TPTE: variants seen among roughly 807,000 people sequenced by gnomAD.
TPTE encodes the protein putative tyrosine-protein phosphatase TPTE.
TPTE carries 59 observed loss-of-function variants against 84.1 expected under a neutral mutation model. The ratio of observed to expected loss-of-function variants is 0.70; its 90% CI spans 0.57 to 0.87. TPTE has a LOEUF of 0.87. TPTE is among the 40% of genes least tolerant of loss of function. The pLI is 0.00. For synonymous variants in TPTE, 130 were observed against 223.5 expected, an observed-to-expected ratio of 0.58 and a Z score of 3.73; for missense variants, 382 against 659.6, an observed-to-expected ratio of 0.58 and a Z score of 4.61.
chr21:10,529,925 A>G (rs1848210), intron 3 of TPTE, among the ~76,000 whole-genome samples: 2 of 127,660 alleles, frequency 1.6e-5, no homozygotes, highest in Non-Finnish European at 3.4e-5. Context: ...TTTTTTTTTT[A>G]AAAAAAGTAG....
chr21:10,603,477 A>G (rs1600996151), intron 22 of TPTE, 85 bp from the exon 23 acceptor site: 1 of 1,332,532 alleles, frequency 7.5e-7, no homozygotes, highest in East Asian at 2.4e-5. Flanking sequence ...TAAATATAAA[A>G]AAGAATAAAG....
At chr21:10,597,379 G>T (rs534443119) in intron 20 of TPTE, among the ~76,000 whole-genome samples, 1 of 152,334 alleles carries the variant, frequency 6.6e-6, no homozygotes, top group East Asian at 1.9e-4. Context: ...GGTTGCAAAG[G>T]TTGCAAGTCA....
intron 17 of TPTE, among the ~76,000 whole-genome samples, chr21:10,585,607 G>T (rs530782200): frequency 6.6e-6 from 1 of 152,300 alleles, no homozygotes; most frequent in African/African-American, 2.4e-5. Flanking sequence ...TCTTGGCTTC[G>T]TAAAATGAGT....
chr21:10,535,843 C>G (rs2145599876), intron 3 of TPTE, among the ~76,000 whole-genome samples: 1 of 152,430 alleles, frequency 6.6e-6, no homozygotes, highest in South Asian at 2.1e-4. Flanking sequence ...TGACTCAGGC[C>G]TACAGCTACA....
At chr21:10,522,167 T>A in intron 1 of TPTE, among the ~76,000 whole-genome samples, 1 of 152,254 alleles carries the variant, frequency 6.6e-6, no homozygotes, top group African/African-American at 2.4e-5. Flanking sequence ...ATGACCTGAG[T>A]TCCCCGTGTC....
chr21:10,600,761 TGTGG>T, intron 21 of TPTE, among the ~76,000 whole-genome samples: 1 of 152,310 alleles, frequency 6.6e-6, no homozygotes, highest in African/African-American at 2.4e-5. Flanking sequence ...CCTTTCTTAT[TGTGG>T]GTGCCATTAT....
chr21:10,522,945 A>G (rs890030547), intron 1 of TPTE, among the ~76,000 whole-genome samples: 4 of 152,310 alleles, frequency 2.6e-5, no homozygotes, highest in African/African-American at 4.8e-5. Flanking sequence ...TTTTCTCACA[A>G]TCCTATAAAA....
At chr21:10,523,214 T>C (rs1234543534) in intron 1 of TPTE, among the ~76,000 whole-genome samples, 1 of 152,422 alleles carries the variant, frequency 6.6e-6, no homozygotes, top group East Asian at 1.9e-4. Flanking sequence ...GAGGTTATTA[T>C]CCTGTGGTCT....
At chr21:10,539,281 C>G (rs1424687061) in intron 4 of TPTE, among the ~76,000 whole-genome samples, 1 of 152,308 alleles carries the variant, frequency 6.6e-6, no homozygotes, top group Admixed American at 6.5e-5. Flanking sequence ...ATGGACTTGT[C>G]CCTCACACTC....
intron 10 of TPTE, among the ~76,000 whole-genome samples, chr21:10,562,156 T>C (rs981856111): frequency 3.3e-5 from 5 of 152,308 alleles, no homozygotes; most frequent in Non-Finnish European, 7.3e-5. Flanking sequence ...CCACTATGAG[T>C]CTGCAAGAAC....
At chr21:10,593,672 G>A (rs1298610252) in intron 19 of TPTE, among the ~76,000 whole-genome samples, 1 of 152,310 alleles carries the variant, frequency 6.6e-6, no homozygotes, top group Non-Finnish European at 1.5e-5. Context: ...GAGGTTTAGA[G>A]AAAGTAACCT....
At chr21:10,531,510 T>A (rs1264620045) in intron 3 of TPTE, among the ~76,000 whole-genome samples, 1 of 152,302 alleles carries the variant, frequency 6.6e-6, no homozygotes, top group East Asian at 1.9e-4. Flanking sequence ...CTCTTTTCTT[T>A]ATAAATTACC....
At chr21:10,538,800 A>G in intron 4 of TPTE, 66 bp downstream of exon 4, 1 of 1,613,942 alleles carries the variant, frequency 6.2e-7, no homozygotes, top group African/African-American at 1.3e-5. Context: ...ATTCACAGAC[A>G]CAGGCACATA....
Position 10,541,137 on chromosome 21 carries a change from G to A in TPTE, c.37G>A (p.Val13Ile), listed in dbSNP as rs150733676. The change falls in exon 5 of 24, where the codon GTC becomes ATC. Residue 13 changes from valine (V) to isoleucine (I), a missense_variant. By Grantham distance (29) the Val-to-Ile change is conservative. Around this residue, in one of 10 missense-constraint regions of TPTE, gnomAD observed 63 missense variants for 49.5 expected, o/e 1.27. Transcript: ENST00000618007. The stretch of plus-strand genomic sequence containing the variant: ...TCCTGATCCGACTGACCTGGCGGGA[G>A]TCATCATTGAGCTCGGCCCCAATGA... ...ESPDPTDLAG[V>I]IIELGPNDSP... 9 of 1,613,222 alleles carry A rather than the reference G, an allele frequency of 5.6e-6. No homozygotes were observed. The highest frequency in any genetic ancestry group is 5.3e-5 in the African/African-American group (4 of 74,934).
At chr21:10,592,033 T>C (rs1338474361) in intron 18 of TPTE, among the ~76,000 whole-genome samples, 1 of 152,310 alleles carries the variant, frequency 6.6e-6, no homozygotes, top group Non-Finnish European at 1.5e-5. Flanking sequence ...GGCATGGTGG[T>C]ACACACCTGT....
At chr21:10,561,305 A>AAAAAT in intron 10 of TPTE, 114 bp downstream of exon 10, 1 of 1,358,592 alleles carries the variant, frequency 7.4e-7, no homozygotes, top group Admixed American at 2.3e-5. Flanking sequence ...GATCCTGGCC[A>AAAAAT]ACATGGTGAA....
chr21:10,562,026 G>T (rs2074815811), intron 10 of TPTE, among the ~76,000 whole-genome samples: 2 of 152,308 alleles, frequency 1.3e-5, no homozygotes, highest in South Asian at 2.1e-4. Flanking sequence ...AGCTTTAGGT[G>T]CCTCAGAACA....
Position 10,603,559 on chromosome 21 carries a change from T to C in TPTE, c.1450-3T>C, listed in dbSNP as rs1978857199. On this transcript the variant is annotated splice_region_variant and splice_polypyrimidine_tract_variant and intron_variant, in intron 22 of 23. Transcript: ENST00000618007. ...TTACTTTGAAATTTTTTTTTCTTTTTAGAATCTTCCTACATACTATGACAA... is the reference window on the plus strand; with the variant it reads ...TTACTTTGAAATTTTTTTTTCTTTTCAGAATCTTCCTACATACTATGACAA... The C allele has an allele frequency of 1.2e-6, 2 of 1,609,952 alleles. No individual in the cohort carries two copies. Among genetic ancestry groups the C allele is most frequent in the Non-Finnish European group, 1.7e-6 (2 of 1,178,076 alleles).
chr21:10,548,224 A>C (rs2074506305), intron 7 of TPTE, among the ~76,000 whole-genome samples: 1 of 152,304 alleles, frequency 6.6e-6, no homozygotes, highest in South Asian at 2.1e-4. Context: ...CCAACTAAGC[A>C]GCCATATACC....
Sources: gnomAD v4.1 joint callset for allele counts (sites outside exome capture counted in the v4.1 genomes callset) on GRCh38, gnomAD v4.1.1 for gene constraint, gnomAD v4.1.1 regional missense constraint, MANE v1.5 for transcripts, NCBI Gene and HGNC (gene_info 2026-07-23, HGNC 2026-07-21) for gene names.